Variants in CSMD1 observed in about 807,000 individuals in gnomAD.
CSMD1 encodes the protein CUB and Sushi multiple domains 1, also known as CUB and sushi domain-containing protein 1.
CSMD1 carries 213 observed loss-of-function variants against 417.5 expected under a neutral mutation model. The observed-to-expected ratio is 0.51, with a 90% CI of 0.46 to 0.57. CSMD1 has a LOEUF of 0.57. CSMD1 is among the 20% of genes least tolerant of loss of function. CSMD1 has a pLI of 0.00. For missense variants in CSMD1, 6,923 were observed against 4,529.7 expected (o/e 1.53, Z -15.17); for synonymous variants, 2,862 against 1,736.8 (o/e 1.65, Z -16.11).
intron 1 of CSMD1, among the ~76,000 whole-genome samples, chr8:4,714,081 G>T (rs1460233140): frequency 6.6e-6 from 1 of 151,972 alleles, no homozygotes; most frequent in African/African-American, 2.4e-5. Flanking sequence ...GGAGACAGAG[G>T]TTGCAGTGAG....
intron 1 of CSMD1, among the ~76,000 whole-genome samples, chr8:4,920,263 T>G (rs1806346790): frequency 6.6e-6 from 1 of 152,146 alleles, no homozygotes; most frequent in Non-Finnish European, 1.5e-5. Flanking sequence ...GTATTATACT[T>G]ATGACTGGCT....
chr8:3,259,086 G>T (rs1194491900), intron 26 of CSMD1, among the ~76,000 whole-genome samples: 1 of 152,170 alleles, frequency 6.6e-6, no homozygotes, highest in Non-Finnish European at 1.5e-5. Context: ...TATATATAAA[G>T]CAGGTATCTT....
chr8:4,224,211 A>G (rs1585051890), intron 3 of CSMD1, among the ~76,000 whole-genome samples: 3 of 113,864 alleles, frequency 2.6e-5, no homozygotes, highest in South Asian at 3.5e-4. Flanking sequence ...TTTGTGATCC[A>G]AGTCCTAAAA....
chr8:3,513,312 G>C (rs1193214303), intron 10 of CSMD1, among the ~76,000 whole-genome samples: 1 of 151,346 alleles, frequency 6.6e-6, no homozygotes, highest in Non-Finnish European at 1.5e-5. Context: ...CCATAGGTAA[G>C]TCCTGGCTTT....
chr8:2,996,376 C>T (rs576265828), intron 54 of CSMD1, among the ~76,000 whole-genome samples: 1 of 152,244 alleles, frequency 6.6e-6, no homozygotes, highest in South Asian at 2.1e-4. Flanking sequence ...AGGATAATCA[C>T]CCACAAGACC....
intron 38 of CSMD1, among the ~76,000 whole-genome samples, chr8:3,159,438 G>C (rs570429429): frequency 8.5e-5 from 13 of 152,130 alleles, no homozygotes; most frequent in Non-Finnish European, 1.8e-4. Flanking sequence ...CAATATTCAG[G>C]ATTTACTTTC....
chr8:3,997,777 G>T, intron 5 of CSMD1, 126 bp downstream of exon 5: 2 of 808,064 alleles, frequency 2.5e-6, no homozygotes, highest in South Asian at 1.8e-5. Flanking sequence ...AAAAGAGCAA[G>T]GCGAAAAAAG....
At chr8:4,698,805 C>T (rs1807308510) in intron 1 of CSMD1, among the ~76,000 whole-genome samples, 1 of 151,640 alleles carries the variant, frequency 6.6e-6, no homozygotes, top group Non-Finnish European at 1.5e-5. Context: ...TTCTTATAAC[C>T]TGAGACTGAT....
chr8:4,842,325 T>A (rs1268514365), intron 1 of CSMD1, among the ~76,000 whole-genome samples: 1 of 152,276 alleles, frequency 6.6e-6, no homozygotes, highest in Non-Finnish European at 1.5e-5. Flanking sequence ...ACCAGAATTC[T>A]ACAATGGACT....
intron 26 of CSMD1, among the ~76,000 whole-genome samples, chr8:3,257,811 G>T (rs1585825445): frequency 6.6e-6 from 1 of 152,296 alleles, no homozygotes; most frequent in South Asian, 2.1e-4. Flanking sequence ...ATCGGTGGGT[G>T]GGGTGAGGGG....
chr8:4,453,749 G>T (rs959802946), intron 2 of CSMD1, among the ~76,000 whole-genome samples: 1 of 149,680 alleles, frequency 6.7e-6, no homozygotes, highest in South Asian at 2.1e-4. Flanking sequence ...GTAATTCCGG[G>T]TCCCCATTTG....
intron 26 of CSMD1, among the ~76,000 whole-genome samples, chr8:3,251,839 G>A (rs1030401901): frequency 6.6e-6 from 1 of 152,172 alleles, no homozygotes; most frequent in Non-Finnish European, 1.5e-5. Context: ...GTGAATGGCA[G>A]TTCACTCATG....
intron 3 of CSMD1, among the ~76,000 whole-genome samples, chr8:4,150,958 TAA>T (rs1197988155): frequency 6.6e-6 from 1 of 152,174 alleles, no homozygotes; most frequent in Non-Finnish European, 1.5e-5. Context: ...AAACTTTCAG[TAA>T]AAGTCTTCCA....
intron 3 of CSMD1, among the ~76,000 whole-genome samples, chr8:4,372,235 T>G (rs139238040): frequency 1.6e-4 from 25 of 152,264 alleles, no homozygotes; most frequent in Admixed American, 4.6e-4. Flanking sequence ...AAGTAAAACT[T>G]TATATGAAGT....
At chr8:4,804,613 C>T (rs1374853324) in intron 1 of CSMD1, among the ~76,000 whole-genome samples, 6 of 151,858 alleles carry the variant, frequency 4.0e-5, no homozygotes, top group Non-Finnish European at 8.8e-5. Flanking sequence ...CGAAGGAAGA[C>T]AGGGGATATA....
At chr8:4,116,662 G>T (rs756701745) in intron 3 of CSMD1, among the ~76,000 whole-genome samples, 4 of 150,730 alleles carry the variant, frequency 2.7e-5, no homozygotes, top group African/African-American at 9.8e-5. Context: ...GTACACATCC[G>T]ACGGCGATGT....
chr8:3,996,954 T>C (rs1455292241), intron 5 of CSMD1, among the ~76,000 whole-genome samples: 1 of 152,196 alleles, frequency 6.6e-6, no homozygotes, highest in Non-Finnish European at 1.5e-5. Context: ...GCCTTCATAC[T>C]AAAATGCAAA....
intron 33 of CSMD1, among the ~76,000 whole-genome samples, chr8:3,197,630 T>A (rs920365820): frequency 6.6e-6 from 1 of 151,924 alleles, no homozygotes; most frequent in Non-Finnish European, 1.5e-5. Context: ...CACGCCCGGC[T>A]AATTTTTGTA....
chr8:3,977,340 G>C (rs932361908), intron 5 of CSMD1, among the ~76,000 whole-genome samples: 1 of 152,092 alleles, frequency 6.6e-6, no homozygotes, highest in Non-Finnish European at 1.5e-5. Flanking sequence ...GCCATACTCA[G>C]CAAAGCAATG....
Sources: gnomAD v4.1 joint callset for allele counts (sites outside exome capture counted in the v4.1 genomes callset) on GRCh38, gnomAD v4.1.1 for gene constraint, MANE v1.5 for transcripts, NCBI Gene and HGNC (gene_info 2026-07-23, HGNC 2026-07-21) for gene names.